Variants in CSMD1 observed in about 807,000 individuals in gnomAD.
CSMD1 encodes CUB and Sushi multiple domains 1.
A neutral mutation model predicts 417.5 loss-of-function variants in CSMD1; 213 were observed. The observed-to-expected ratio is 0.51, with a 90% CI of 0.46 to 0.57. The LOEUF is 0.57. Among genes scored for constraint, CSMD1 ranks in the 20% least tolerant of loss-of-function variants. The probability of loss-of-function intolerance (pLI) is 0.00; values close to 1 mark genes in which losing one functional copy is unlikely to be tolerated. For missense variants in CSMD1, 6,923 were observed against 4,529.7 expected, an observed-to-expected ratio of 1.53 and a Z score of -15.17; for synonymous variants, 2,862 against 1,736.8, an observed-to-expected ratio of 1.65 and a Z score of -16.11.
At chr8:3,655,784 G>C (rs1264552139) in intron 7 of CSMD1, among the ~76,000 whole-genome samples, 2 of 151,982 alleles carry the variant, frequency 1.3e-5, no homozygotes, top group East Asian at 1.9e-4. Flanking sequence ...AGGAAAGGTA[G>C]AGTCTAATAG....
chr8:3,410,125 C>T (rs982367578), intron 12 of CSMD1, among the ~76,000 whole-genome samples: 2 of 152,190 alleles, frequency 1.3e-5, no homozygotes, highest in African/African-American at 4.8e-5. Context: ...ACAAAATATT[C>T]AGAATCAATC....
At position 3,029,449 on chromosome 8, in the gene CSMD1, T is replaced by C. The variant is rs368733391; in HGVS notation, c.7725A>G (p.Gly2575=). ...SEHVIWRLVS[G]SLNEYGAQVL... Reference sequence around the variant, plus strand: ...CTTGAGCACCGTACTCATTCAAGGATCCTGAAACCAGCCTCCAGATGACAT... The same window carrying C: ...CTTGAGCACCGTACTCATTCAAGGACCCTGAAACCAGCCTCCAGATGACAT... Residue 2575 remains glycine (G), a synonymous_variant, in exon 51 of 70, where the codon GGA becomes GGG. Transcript: ENST00000635120. 1.6e-5 allele frequency: 25 copies of C among 1,609,318 alleles called. No individual in the cohort carries two copies. The African/African-American group carries it at 3.1e-4, about 20-fold the overall frequency.
intron 2 of CSMD1, among the ~76,000 whole-genome samples, chr8:4,595,387 C>CTTTTTTTTTTTTTTCT: frequency 3.4e-5 from 5 of 147,342 alleles, no homozygotes; most frequent in African/African-American, 9.9e-5. Context: ...CATTCATTTT[C>CTTTTTTTTTTTTTTCT]ATTCCATCCA....
At chr8:3,344,287 GA>G (rs1807846168) in intron 22 of CSMD1, among the ~76,000 whole-genome samples, 1 of 152,148 alleles carries the variant, frequency 6.6e-6, no homozygotes, top group South Asian at 2.1e-4. Context: ...CCAATGCCAT[GA>G]GGCTCAGGTA....
Position 3,958,621 on chromosome 8 carries a change from G to A in CSMD1, c.818+39282C>T, listed in dbSNP as rs1193922918. Among the ~76,000 whole-genome samples the A allele has an allele frequency of 2.0e-5, 3 of 152,032 alleles. No individual in the cohort carries two copies. The East Asian group carries it at 5.8e-4, about 29-fold the overall frequency. ...ATACCCGCATTTGAATAATTTAAAT[G>A]AGGTCCACCACATATTGTAAAATAC... On this transcript the variant is annotated intron_variant, in intron 5 of 69. Coordinates refer to ENST00000635120, the MANE Select transcript of CSMD1 (RefSeq NM_033225.6).
chr8:2,984,287 A>T (rs1045255369), intron 54 of CSMD1, among the ~76,000 whole-genome samples: 2 of 152,006 alleles, frequency 1.3e-5, no homozygotes, highest in African/African-American at 4.8e-5. Flanking sequence ...CAGGAGGGAG[A>T]GGTAGGATGC....
At chr8:4,532,520 C>T (rs151007357) in intron 2 of CSMD1, among the ~76,000 whole-genome samples, 1,457 of 117,134 alleles carry the variant, frequency 0.012, 89 homozygotes, top group African/African-American at 0.064. Context: ...TCAGTCACTC[C>T]GGAAGAGAAA....
At chr8:4,200,801 T>C (rs777438550) in intron 3 of CSMD1, among the ~76,000 whole-genome samples, 2 of 152,208 alleles carry the variant, frequency 1.3e-5, no homozygotes, top group African/African-American at 4.8e-5. Context: ...GAGGCTTCAG[T>C]GAACTATTGT....
intron 2 of CSMD1, among the ~76,000 whole-genome samples, chr8:4,548,384 T>C (rs1291921913): frequency 6.6e-6 from 1 of 152,174 alleles, no homozygotes; most frequent in Non-Finnish European, 1.5e-5. Flanking sequence ...AATATTCATG[T>C]TGTATATTTA....
chr8:3,243,156 A>T (rs1039805225), intron 26 of CSMD1, among the ~76,000 whole-genome samples: 1 of 152,142 alleles, frequency 6.6e-6, no homozygotes, highest in African/African-American at 2.4e-5. Context: ...TGGAGAAGAG[A>T]GTAAGAGGCC....
intron 11 of CSMD1, among the ~76,000 whole-genome samples, 200 bp downstream of exon 11, chr8:3,493,423 G>A (rs565713602): frequency 2.1e-4 from 32 of 151,852 alleles, no homozygotes; most frequent in African/African-American, 2.9e-4. Flanking sequence ...AAAAACAGTC[G>A]AAACAGATAA....
chr8:4,924,885 A>G (rs923475152), intron 1 of CSMD1, among the ~76,000 whole-genome samples: 7 of 152,120 alleles, frequency 4.6e-5, no homozygotes, highest in African/African-American at 1.7e-4. Flanking sequence ...CCAGCACAAG[A>G]CAAAACTGGG....
intron 3 of CSMD1, among the ~76,000 whole-genome samples, chr8:4,204,761 C>A (rs565180402): frequency 1.3e-5 from 2 of 152,126 alleles, no homozygotes; most frequent in South Asian, 4.1e-4. Flanking sequence ...CTCAATCAAT[C>A]CTCCTGCCTC....
intron 12 of CSMD1, among the ~76,000 whole-genome samples, chr8:3,447,264 A>G (rs1563398677): frequency 6.6e-6 from 1 of 152,310 alleles, no homozygotes; most frequent in East Asian, 1.9e-4. Flanking sequence ...ACACTTTTTT[A>G]TGACACAATT....
At chr8:4,725,837 G>C (rs1301371347) in intron 1 of CSMD1, among the ~76,000 whole-genome samples, 1 of 152,108 alleles carries the variant, frequency 6.6e-6, no homozygotes, top group Non-Finnish European at 1.5e-5. Context: ...TCACGACGTG[G>C]CTAAAGGAGT....
At chr8:4,233,977 G>A (rs912581955) in intron 3 of CSMD1, among the ~76,000 whole-genome samples, 1 of 151,172 alleles carries the variant, frequency 6.6e-6, no homozygotes, top group South Asian at 2.1e-4. Context: ...ACGGCGGGGG[G>A]TGGGGGAACA....
intron 1 of CSMD1, among the ~76,000 whole-genome samples, chr8:4,726,464 C>A (rs1809453418): frequency 6.6e-6 from 1 of 152,126 alleles, no homozygotes; most frequent in South Asian, 2.1e-4. Flanking sequence ...CTCCTTAAGT[C>A]TGCTTCACTT....
intron 12 of CSMD1, among the ~76,000 whole-genome samples, chr8:3,439,304 T>C (rs1464385647): frequency 2.1e-5 from 1 of 46,710 alleles, no homozygotes; most frequent in Admixed American, 2.4e-4. Flanking sequence ...TATATATATA[T>C]ATATATTTTT....
intron 1 of CSMD1, among the ~76,000 whole-genome samples, chr8:4,765,307 G>C (rs1812391482): frequency 6.6e-6 from 1 of 152,156 alleles, no homozygotes; most frequent in Non-Finnish European, 1.5e-5. Flanking sequence ...CTCAGGGGTA[G>C]CAATCCCTTC....
Sources: gnomAD v4.1 joint callset for allele counts (sites outside exome capture counted in the v4.1 genomes callset) on GRCh38, gnomAD v4.1.1 for gene constraint, MANE v1.5 for transcripts, NCBI Gene and HGNC (gene_info 2026-07-23, HGNC 2026-07-21) for gene names.